The following PDE10A variants were observed in gnomAD, a reference collection of about 807,000 sequenced individuals.
The protein encoded by PDE10A is cAMP and cAMP-inhibited cGMP 3',5'-cyclic phosphodiesterase 10A.
In PDE10A, 39 loss-of-function variants were observed where a neutral mutation model predicts 97.7. That is an observed-to-expected ratio of 0.40 (90% CI 0.31 to 0.52). The LOEUF (loss-of-function observed/expected upper bound fraction) is 0.52. PDE10A is among the 20% of genes least tolerant of loss of function. The probability of loss-of-function intolerance (pLI) is 0.56; values close to 1 mark genes in which losing one functional copy is unlikely to be tolerated. For synonymous variants in PDE10A, 371 were observed against 376.8 expected (o/e 0.98, Z 0.18); for missense variants, 731 against 1,047.8 (o/e 0.70, Z 4.17).
chr6:165,377,809 A>G (rs984469467), intron 18 of PDE10A, among the ~76,000 whole-genome samples: 3 of 152,136 alleles, frequency 2.0e-5, no homozygotes, highest in Non-Finnish European at 4.4e-5. Context: ...GGAGACATAA[A>G]GACTGTAGAC....
At chr6:165,512,830 T>G (rs1781576000) in intron 2 of PDE10A, among the ~76,000 whole-genome samples, 1 of 152,036 alleles carries the variant, frequency 6.6e-6, no homozygotes, top group Non-Finnish European at 1.5e-5. Flanking sequence ...TTTCACCACA[T>G]GCTCACCAAC....
At chr6:165,451,309 C>G (rs1201542191) in intron 3 of PDE10A, among the ~76,000 whole-genome samples, 1 of 152,194 alleles carries the variant, frequency 6.6e-6, no homozygotes, top group Non-Finnish European at 1.5e-5. Context: ...TATAATGTGT[C>G]TTCTCTAAAG....
At chr6:165,562,318 A>G (rs1475877894) in intron 1 of PDE10A, among the ~76,000 whole-genome samples, 4 of 152,210 alleles carry the variant, frequency 2.6e-5, no homozygotes, top group African/African-American at 7.2e-5. Context: ...CCTGAAGAAA[A>G]GTAATGAATT....
At chr6:165,811,745 G>A (rs2128467410) in intron 1 of PDE10A, among the ~76,000 whole-genome samples, 1 of 152,344 alleles carries the variant, frequency 6.6e-6, no homozygotes, top group Non-Finnish European at 1.5e-5. Context: ...GTTCTGAGTT[G>A]AAATGATCTG....
At chr6:165,800,544 C>G (rs57690076) in intron 1 of PDE10A, among the ~76,000 whole-genome samples, 31,939 of 152,090 alleles carry the variant, frequency 0.21, 3,459 homozygotes, top group African/African-American at 0.25. Context: ...GAGGCTGAGC[C>G]TTTCCAGAAT....
intron 1 of PDE10A, among the ~76,000 whole-genome samples, chr6:165,963,576 G>T (rs1391616821): frequency 1.3e-5 from 2 of 152,206 alleles, no homozygotes; most frequent in Admixed American, 6.5e-5. Flanking sequence ...GTGAGAGTTT[G>T]TCAGAAAGTA....
chr6:165,695,780 G>A (rs1791428572), intron 1 of PDE10A, among the ~76,000 whole-genome samples: 1 of 152,158 alleles, frequency 6.6e-6, no homozygotes, highest in African/African-American at 2.4e-5. Flanking sequence ...GCTCGCTAGT[G>A]CACAAGGGAG....
intron 15 of PDE10A, among the ~76,000 whole-genome samples, chr6:165,393,072 A>T (rs1785844054): frequency 6.6e-6 from 1 of 152,174 alleles, no homozygotes; most frequent in African/African-American, 2.4e-5. Context: ...ATTAGTACAC[A>T]GTCACCCGTC....
At chr6:165,465,114 T>C (rs1038964079) in intron 3 of PDE10A, among the ~76,000 whole-genome samples, 14 of 152,330 alleles carry the variant, frequency 9.2e-5, no homozygotes, top group Middle Eastern at 3.4e-3. Flanking sequence ...TTCTTAAGAA[T>C]TGAGTTATCA....
chr6:165,570,603 C>G (rs968607130), intron 1 of PDE10A, among the ~76,000 whole-genome samples: 1 of 152,164 alleles, frequency 6.6e-6, no homozygotes, highest in East Asian at 1.9e-4. Flanking sequence ...GAGGAAATAA[C>G]TCGATTTTCT....
chr6:165,714,945 T>C (rs1345650131), intron 1 of PDE10A, among the ~76,000 whole-genome samples: 1 of 74,640 alleles, frequency 1.3e-5, no homozygotes, highest in Admixed American at 9.5e-5. Flanking sequence ...CTCAGTGGGT[T>C]GTTCCCTTGC....
chr6:165,564,630 C>T (rs1005018639), intron 1 of PDE10A, among the ~76,000 whole-genome samples: 4 of 152,186 alleles, frequency 2.6e-5, no homozygotes, highest in Non-Finnish European at 5.9e-5. Flanking sequence ...TCCCATAGCA[C>T]ATATTATACT....
intron 1 of PDE10A, among the ~76,000 whole-genome samples, chr6:165,857,112 T>A (rs1037002818): frequency 6.6e-6 from 1 of 152,200 alleles, no homozygotes; most frequent in Non-Finnish European, 1.5e-5. Context: ...GTTCTTTAGT[T>A]CTAAGCCTTC....
intron 1 of PDE10A, among the ~76,000 whole-genome samples, chr6:165,732,866 G>A (rs1039001): frequency 0.14 from 21,968 of 152,080 alleles, 1,857 homozygotes; most frequent in South Asian, 0.29. Flanking sequence ...GCATCTGTCC[G>A]CTGGCCACCA....
chr6:165,650,971 C>T (rs550930090), intron 1 of PDE10A, among the ~76,000 whole-genome samples: 76 of 152,250 alleles, frequency 5.0e-4, no homozygotes, highest in African/African-American at 1.8e-3. Flanking sequence ...CTCTTGACCT[C>T]GTGATCCACC....
At chr6:165,593,585 T>C (rs2987296) in intron 1 of PDE10A, among the ~76,000 whole-genome samples, 110,332 of 152,150 alleles carry the variant, frequency 0.73, 42,110 homozygotes, top group Non-Finnish European at 0.86. Context: ...TTGCATATAC[T>C]GACCATTCCA....
At chr6:165,798,135 A>G (rs1455739281) in intron 1 of PDE10A, among the ~76,000 whole-genome samples, 1 of 152,244 alleles carries the variant, frequency 6.6e-6, no homozygotes, top group Non-Finnish European at 1.5e-5. Context: ...AAATCATATT[A>G]GCTTTTAATG....
intron 5 of PDE10A, among the ~76,000 whole-genome samples, chr6:165,439,152 A>T (rs748491985): frequency 1.1e-4 from 16 of 152,082 alleles, no homozygotes; most frequent in Non-Finnish European, 1.5e-5. Flanking sequence ...TTAATAAGAT[A>T]AAAAACCTTA....
At chr6:165,362,103 A>G (rs1783463503) in intron 18 of PDE10A, among the ~76,000 whole-genome samples, 1 of 152,312 alleles carries the variant, frequency 6.6e-6, no homozygotes, top group East Asian at 1.9e-4. Context: ...AAATAATTCA[A>G]ATTAATAACC....
Sources: gnomAD v4.1 joint callset for allele counts (sites outside exome capture counted in the v4.1 genomes callset) on GRCh38, gnomAD v4.1.1 for gene constraint, MANE v1.5 for transcripts, NCBI Gene and HGNC (gene_info 2026-07-23, HGNC 2026-07-21) for gene names.